Variants in AGPS observed in about 807,000 individuals in gnomAD.
AGPS encodes alkylglycerone phosphate synthase.
A neutral mutation model predicts 90.7 loss-of-function variants in AGPS; 26 were observed. The ratio of observed to expected loss-of-function variants is 0.29; its 90% CI spans 0.21 to 0.40. The LOEUF is 0.40. AGPS is among the 10% of genes least tolerant of loss of function. The pLI is 1.00. For synonymous variants in AGPS, 294 were observed against 285.3 expected, an observed-to-expected ratio of 1.03 and a Z score of -0.31; for missense variants, 540 against 816.1, an observed-to-expected ratio of 0.66 and a Z score of 4.12.
chr2:177,508,066 T>A, intron 16 of AGPS, 35 bp downstream of exon 16: 14 of 1,461,696 alleles, frequency 9.6e-6, no homozygotes, highest in Non-Finnish European at 1.3e-5. Context: ...ATTATTCAAA[T>A]ATGCGATATG....
intron 18 of AGPS, 72 bp from the exon 19 acceptor site, chr2:177,523,676 G>A: frequency 1.6e-6 from 2 of 1,278,412 alleles, no homozygotes; most frequent in African/African-American, 1.5e-5. Context: ...TTCTTTGGGA[G>A]TTGGGTCTTT....
rs1410331113 is a variant in AGPS at position 177,540,001 on chromosome 2, T to A, written c.*1806T>A. The A allele has an allele frequency of 1.2e-4, 4 of 34,502 alleles. No individual in the cohort carries two copies. The highest frequency in any genetic ancestry group is 2.6e-4 in the Non-Finnish European group (4 of 15,418). 2.1% of individuals were successfully genotyped at this position (34,502 alleles called of 1,614,324 possible). A position where few individuals can be genotyped will look rare whatever the true frequency, so the allele number is the denominator to read the frequency against. ...ATTTCTTTAATTGGTGATCAAAATA[T>A]AAAATTAAGGTACTAATGTCTCACT... is the stretch of plus-strand genomic sequence containing the variant. On this transcript the variant is annotated 3_prime_UTR_variant, in exon 20 of 20. Coordinates refer to ENST00000264167, the MANE Select transcript of AGPS (RefSeq NM_003659.4).
intron 10 of AGPS, among the ~76,000 whole-genome samples, chr2:177,478,474 C>T (rs949672368): frequency 6.6e-6 from 1 of 152,102 alleles, no homozygotes; most frequent in African/African-American, 2.4e-5. Context: ...CCAGTACTCC[C>T]ATTACACGTA....
chr2:177,532,942 G>A (rs1008014915), intron 19 of AGPS, among the ~76,000 whole-genome samples: 1 of 152,078 alleles, frequency 6.6e-6, no homozygotes, highest in African/African-American at 2.4e-5. Flanking sequence ...AATCTTAAGA[G>A]TAAAAAAAAG....
chr2:177,434,493 A>G, intron 3 of AGPS, 76 bp downstream of exon 3: 2 of 1,108,694 alleles, frequency 1.8e-6, no homozygotes, highest in Non-Finnish European at 2.7e-6. Flanking sequence ...TATCTTTGTA[A>G]TTCATTATAT....
chr2:177,519,774 G>A (rs1689126484), intron 17 of AGPS, among the ~76,000 whole-genome samples: 1 of 152,178 alleles, frequency 6.6e-6, no homozygotes, highest in Non-Finnish European at 1.5e-5. Context: ...GACCTCAGGA[G>A]AAGGTTCTTG....
At chr2:177,404,914 A>G (rs1685424427) in intron 1 of AGPS, among the ~76,000 whole-genome samples, 1 of 152,208 alleles carries the variant, frequency 6.6e-6, no homozygotes, top group Non-Finnish European at 1.5e-5. Flanking sequence ...AAAAATTATC[A>G]TATTTTGGTA....
chr2:177,477,954 A>T (rs1041676567), intron 10 of AGPS, among the ~76,000 whole-genome samples: 4 of 152,208 alleles, frequency 2.6e-5, no homozygotes, highest in African/African-American at 9.6e-5. Flanking sequence ...AAAATAGAAG[A>T]AGACTCAAAA....
chr2:177,484,165 A>G (rs1175496818), intron 11 of AGPS, among the ~76,000 whole-genome samples: 1 of 151,988 alleles, frequency 6.6e-6, no homozygotes, highest in Non-Finnish European at 1.5e-5. Context: ...TCCTTGTGTA[A>G]TGATTTTGGA....
chr2:177,444,169 C>A (rs1432923680), intron 7 of AGPS, among the ~76,000 whole-genome samples: 1 of 151,948 alleles, frequency 6.6e-6, no homozygotes, highest in Non-Finnish European at 1.5e-5. Context: ...GCCTGTAATC[C>A]CAGCACTTTG....
intron 19 of AGPS, among the ~76,000 whole-genome samples, chr2:177,530,454 A>G (rs1441592813): frequency 3.3e-5 from 5 of 152,182 alleles, no homozygotes; most frequent in Admixed American, 6.5e-5. Flanking sequence ...TTGAGAGATC[A>G]CTTATTTTTA....
intron 19 of AGPS, among the ~76,000 whole-genome samples, chr2:177,533,752 T>C (rs920259725): frequency 6.6e-5 from 10 of 152,212 alleles, no homozygotes; most frequent in Non-Finnish European, 1.3e-4. Context: ...CTTTCTTACA[T>C]AATCCAGCAG....
chr2:177,451,098 A>C (rs1464751825), intron 8 of AGPS, among the ~76,000 whole-genome samples: 1 of 151,722 alleles, frequency 6.6e-6, no homozygotes, highest in African/African-American at 2.4e-5. Flanking sequence ...GGTAGCTAGG[A>C]CTACAGGCAT....
chr2:177,460,593 C>A (rs990127157), intron 8 of AGPS, among the ~76,000 whole-genome samples: 1 of 151,922 alleles, frequency 6.6e-6, no homozygotes, highest in Non-Finnish European at 1.5e-5. Flanking sequence ...GTCTTTTTTT[C>A]TTTTCCCAAT....
At chr2:177,468,056 T>C (rs1168669768) in intron 9 of AGPS, among the ~76,000 whole-genome samples, 1 of 152,120 alleles carries the variant, frequency 6.6e-6, no homozygotes, top group Non-Finnish European at 1.5e-5. Flanking sequence ...AATAATATGC[T>C]TCATAAAGGT....
At chr2:177,453,025 T>C (rs1686997986) in intron 8 of AGPS, among the ~76,000 whole-genome samples, 1 of 151,968 alleles carries the variant, frequency 6.6e-6, no homozygotes, top group Admixed American at 6.6e-5. Context: ...GAAGGACTTC[T>C]TTTAACATGA....
chr2:177,495,179 G>A (rs749641404), intron 12 of AGPS, among the ~76,000 whole-genome samples: 1 of 152,032 alleles, frequency 6.6e-6, no homozygotes, highest in Non-Finnish European at 1.5e-5. Context: ...CGAATTTAGG[G>A]TATGTTTCTT....
intron 10 of AGPS, among the ~76,000 whole-genome samples, chr2:177,474,240 C>T (rs1268957328): frequency 6.6e-6 from 1 of 152,214 alleles, no homozygotes; most frequent in Non-Finnish European, 1.5e-5. Flanking sequence ...AAAGGCAACA[C>T]TATTGCTACA....
At chr2:177,499,816 T>C (rs565568428) in intron 14 of AGPS, 86 bp downstream of exon 14, 1 of 872,382 alleles carries the variant, frequency 1.1e-6, no homozygotes, top group African/African-American at 1.7e-5. Context: ...GTACTAGGCA[T>C]TAATGTCTCC....
Sources: allele counts gnomAD v4.1 joint callset (sites outside exome capture counted in the v4.1 genomes callset), GRCh38; gene constraint gnomAD v4.1.1; transcripts MANE v1.5; gene names NCBI Gene and HGNC (gene_info 2026-07-23, HGNC 2026-07-21).